GALNT13: variants seen among roughly 807,000 people sequenced by gnomAD.
The protein encoded by GALNT13 is polypeptide N-acetylgalactosaminyltransferase 13, also known as UDP-GalNAc:polypeptide N-acetylgalactosaminyltransferase 13.
GALNT13 carries 28 observed loss-of-function variants against 64.2 expected under a neutral mutation model. That is an observed-to-expected ratio of 0.44 (90% CI 0.32 to 0.60). GALNT13 has a LOEUF of 0.60. Ranked by LOEUF, GALNT13 falls within the 20% of genes least tolerant of loss-of-function variation. GALNT13 has a pLI of 0.05. For missense variants in GALNT13, 577 were observed against 669.8 expected, an observed-to-expected ratio of 0.86 and a Z score of 1.53; for synonymous variants, 214 against 224.6, an observed-to-expected ratio of 0.95 and a Z score of 0.42.
the GALNT13 span, among the ~76,000 whole-genome samples, chr2:153,395,510 A>T: frequency 1.4e-4 from 21 of 152,054 alleles, 1 homozygote; most frequent in Non-Finnish European, 1.5e-5. Context: ...CTTGCTTCTT[A>T]TTTCCAGAAA....
At chr2:153,852,762 C>T in the GALNT13 span, among the ~76,000 whole-genome samples, 2 of 152,134 alleles carry the variant, frequency 1.3e-5, no homozygotes, top group Admixed American at 6.5e-5. Flanking sequence ...AAACATATAA[C>T]AGCCATATAA....
intron 3 of GALNT13, among the ~76,000 whole-genome samples, chr2:154,118,478 ATTTCTTTTTGTTG>A (rs1681734997): frequency 1.3e-5 from 2 of 150,780 alleles, no homozygotes; most frequent in Non-Finnish European, 3.0e-5. Flanking sequence ...CAGTAACTCT[ATTTCTTTTTGTTG>A]AGAAATGTAA....
the GALNT13 span, among the ~76,000 whole-genome samples, chr2:153,277,943 T>TTTTTTTTTTTTTTTTTTTTTTG: frequency 7.5e-6 from 1 of 133,404 alleles, no homozygotes; most frequent in Non-Finnish European, 1.6e-5. Flanking sequence ...TTTTTTTTTT[T>TTTTTTTTTTTTTTTTTTTTTTG]TGAGACAGAG....
rs560604452 is a variant in GALNT13 at position 154,059,929 on chromosome 2, A to G, written c.143-80408A>G. 9.9e-5 allele frequency among the ~76,000 whole-genome samples: 15 copies of G among 152,234 alleles called. No homozygotes were observed. In the South Asian group the frequency reaches 2.3e-3, roughly 23 times the overall value. ...AGCTTGGGGAGCTGGTAGGGACTGA[A>G]TTTTTGTGTCCTCCAAAATTCATAT... On this transcript the variant is annotated intron_variant, in intron 3 of 12. Transcript: ENST00000392825.
chr2:154,410,492 C>T (rs1429161759), intron 11 of GALNT13, among the ~76,000 whole-genome samples: 1 of 151,862 alleles, frequency 6.6e-6, no homozygotes, highest in East Asian at 1.9e-4. Flanking sequence ...GCAGGAATAT[C>T]AAAGTCAGGG....
At chr2:153,238,671 A>G in the GALNT13 span, among the ~76,000 whole-genome samples, 65 of 149,034 alleles carry the variant, frequency 4.4e-4, no homozygotes, top group African/African-American at 1.6e-3. Context: ...TGGGTTCTCT[A>G]TTCTGCTCCA....
chr2:153,725,480 A>C, the GALNT13 span, among the ~76,000 whole-genome samples: 4 of 148,874 alleles, frequency 2.7e-5, no homozygotes, highest in South Asian at 2.2e-4. Context: ...TAATAATAGT[A>C]ATAATAAAAA....
At chr2:154,413,376 C>G (rs725586) in intron 11 of GALNT13, among the ~76,000 whole-genome samples, 1 of 151,918 alleles carries the variant, frequency 6.6e-6, no homozygotes, top group Non-Finnish European at 1.5e-5. Flanking sequence ...TGCCTTTGTT[C>G]TAGCCTATAT....
chr2:153,421,827 C>A, the GALNT13 span: 1 of 185,136 alleles, frequency 5.4e-6, no homozygotes, highest in East Asian at 1.4e-4. Context: ...CAATTATCTC[C>A]TTACCCAGTG....
At chr2:153,769,062 G>C in the GALNT13 span, among the ~76,000 whole-genome samples, 1 of 152,084 alleles carries the variant, frequency 6.6e-6, no homozygotes, top group African/African-American at 2.4e-5. Context: ...TTGCTACTCT[G>C]TATTTGTTAG....
In GALNT13 at chr2:154,313,246, G is replaced by GTATA. The variant is rs546770798; in HGVS notation, c.1156+11668_1156+11671dup. Among the ~76,000 whole-genome samples, 169 of 143,640 alleles carry GTATA rather than the reference G, an allele frequency of 1.2e-3. 1 individual carries two copies. Among genetic ancestry groups the GTATA allele is most frequent in the African/African-American group, 4.1e-3 (160 of 39,176 alleles). 94.2% of individuals were successfully genotyped at this position (143,640 alleles called of 152,430 possible). ...ACACTATATATATATTTATGCATAT[G>GTATA]TATATATATATATACACACACACTA... On this transcript the variant is annotated intron_variant, in intron 9 of 12. Coordinates refer to ENST00000392825, the MANE Select transcript of GALNT13 (RefSeq NM_052917.4).
At chr2:153,893,909 GA>G (rs949494820) in intron 1 of GALNT13, among the ~76,000 whole-genome samples, 1 of 152,042 alleles carries the variant, frequency 6.6e-6, no homozygotes, top group Non-Finnish European at 1.5e-5. Context: ...ATATGCAAAG[GA>G]AAAGGCAGCA....
the GALNT13 span, among the ~76,000 whole-genome samples, chr2:153,760,942 T>C: frequency 6.6e-6 from 1 of 152,192 alleles, no homozygotes; most frequent in Non-Finnish European, 1.5e-5. Context: ...ACACTTGTTA[T>C]ATCTTCCTGA....
chr2:154,190,196 A>G (rs1686497536), intron 4 of GALNT13, among the ~76,000 whole-genome samples: 1 of 152,170 alleles, frequency 6.6e-6, no homozygotes, highest in Non-Finnish European at 1.5e-5. Flanking sequence ...GAAATTACCT[A>G]TTCATGGAGA....
chr2:153,199,682 A>G, the GALNT13 span, among the ~76,000 whole-genome samples: 5 of 152,234 alleles, frequency 3.3e-5, no homozygotes, highest in Non-Finnish European at 7.3e-5. Context: ...TTTAAATATA[A>G]GATACGATTG....
chr2:153,649,316 T>A, the GALNT13 span, among the ~76,000 whole-genome samples: 1 of 152,190 alleles, frequency 6.6e-6, no homozygotes, highest in African/African-American at 2.4e-5. Context: ...TGATATCCCC[T>A]TTATCATTTT....
chr2:153,329,124 T>G, the GALNT13 span, among the ~76,000 whole-genome samples: 6 of 152,006 alleles, frequency 3.9e-5, no homozygotes, highest in Non-Finnish European at 8.8e-5. Context: ...TTGCCTTCCA[T>G]GGGCTGCACC....
chr2:153,312,961 TA>T, the GALNT13 span, among the ~76,000 whole-genome samples: 1 of 152,002 alleles, frequency 6.6e-6, no homozygotes, highest in Non-Finnish European at 1.5e-5. Flanking sequence ...GGGCATCAAA[TA>T]AAAAAAATTA....
chr2:153,076,360 C>T, the GALNT13 span, among the ~76,000 whole-genome samples: 1 of 152,176 alleles, frequency 6.6e-6, no homozygotes, highest in South Asian at 2.1e-4. Flanking sequence ...GATACTGAAC[C>T]TGCATTATAT....
Sources: gnomAD v4.1 joint callset for allele counts (sites outside exome capture counted in the v4.1 genomes callset) on GRCh38, gnomAD v4.1.1 for gene constraint, MANE v1.5 for transcripts, NCBI Gene and HGNC (gene_info 2026-07-23, HGNC 2026-07-21) for gene names.